COL25A1: variants seen among roughly 807,000 people sequenced by gnomAD.
COL25A1 encodes the protein collagen type XXV alpha 1 chain.
Under a neutral mutation model 128.4 loss-of-function variants are expected in COL25A1, and 103 were observed. The observed-to-expected ratio is 0.80, with a 90% CI of 0.68 to 0.94. COL25A1 has a LOEUF of 0.94. Ranked by LOEUF, COL25A1 falls within the 40% of genes least tolerant of loss-of-function variation. The probability of loss-of-function intolerance (pLI) is 0.00; values close to 1 mark genes in which losing one functional copy is unlikely to be tolerated. For synonymous variants in COL25A1, 279 were observed against 277.2 expected, an observed-to-expected ratio of 1.01 and a Z score of -0.06; for missense variants, 745 against 840.0, an observed-to-expected ratio of 0.89 and a Z score of 1.40.
intron 8 of COL25A1, among the ~76,000 whole-genome samples, chr4:108,965,920 C>A (rs1443790561): frequency 6.6e-6 from 1 of 152,140 alleles, no homozygotes; most frequent in Non-Finnish European, 1.5e-5. Flanking sequence ...CAAATTTCAT[C>A]CATCTGGTTA....
chr4:108,823,927 A>G (rs1732066165), intron 35 of COL25A1: 24 of 1,400,388 alleles, frequency 1.7e-5, no homozygotes, highest in Non-Finnish European at 2.2e-5. Context: ...CAGGTGGTTG[A>G]AAAACTGTAG....
intron 24 of COL25A1, among the ~76,000 whole-genome samples, chr4:108,853,410 T>C (rs75201532): frequency 0.06 from 8,966 of 149,998 alleles, 293 homozygotes; most frequent in East Asian, 0.094. Flanking sequence ...GTGTGTGCCA[T>C]AACTAAAGAT....
intron 3 of COL25A1, among the ~76,000 whole-genome samples, chr4:109,274,202 T>A (rs1782391266): frequency 1.4e-5 from 2 of 140,778 alleles, no homozygotes; most frequent in African/African-American, 4.9e-5. Flanking sequence ...CTATTTACAT[T>A]TTCAATTAAA....
At chr4:109,281,651 C>T (rs1015907449) in intron 3 of COL25A1, among the ~76,000 whole-genome samples, 8 of 152,106 alleles carry the variant, frequency 5.3e-5, no homozygotes, top group Non-Finnish European at 1.2e-4. Flanking sequence ...TGGTTGTTAA[C>T]TACTAATAAT....
chr4:108,949,352 C>G (rs1749130934), intron 8 of COL25A1, among the ~76,000 whole-genome samples: 1 of 152,048 alleles, frequency 6.6e-6, no homozygotes, highest in African/African-American at 2.4e-5. Context: ...AGGTATTCTT[C>G]TAAAAGTTTT....
chr4:109,103,776 G>A (rs1766139067), intron 3 of COL25A1, among the ~76,000 whole-genome samples: 1 of 152,058 alleles, frequency 6.6e-6, no homozygotes, highest in Admixed American at 6.6e-5. Flanking sequence ...GAGCCAAGTT[G>A]GATAAAAGAT....
intron 32 of COL25A1, among the ~76,000 whole-genome samples, chr4:108,830,003 A>T (rs1370620531): frequency 6.6e-6 from 1 of 152,242 alleles, no homozygotes; most frequent in African/African-American, 2.4e-5. Context: ...AGGGCTCCCA[A>T]GCAAAACCTA....
chr4:108,968,480 C>CT (rs57969304), intron 8 of COL25A1, among the ~76,000 whole-genome samples: 132 of 145,612 alleles, frequency 9.1e-4, no homozygotes, highest in Middle Eastern at 3.5e-3. Flanking sequence ...ATTGGCCACT[C>CT]TTTTTTTTTT....
At chr4:108,852,046 CCTT>C (rs1735847347) in intron 26 of COL25A1, among the ~76,000 whole-genome samples, 187 bp downstream of exon 26, 1 of 151,506 alleles carries the variant, frequency 6.6e-6, no homozygotes, top group African/African-American at 2.4e-5. Flanking sequence ...TCCTATTTTC[CCTT>C]CTTCTTTTCT....
chr4:108,917,016 T>C (rs559238267), intron 13 of COL25A1, among the ~76,000 whole-genome samples: 1 of 152,284 alleles, frequency 6.6e-6, no homozygotes, highest in East Asian at 1.9e-4. Flanking sequence ...TTAATGGTAA[T>C]ATCAAATACT....
intron 3 of COL25A1, among the ~76,000 whole-genome samples, chr4:109,116,474 G>A (rs1767572383): frequency 6.6e-6 from 1 of 151,848 alleles, no homozygotes; most frequent in Non-Finnish European, 1.5e-5. Flanking sequence ...CAGCTCAAGG[G>A]CACAGCTTAC....
At chr4:109,165,345 A>G (rs969018594) in intron 3 of COL25A1, among the ~76,000 whole-genome samples, 6 of 152,210 alleles carry the variant, frequency 3.9e-5, no homozygotes, top group Non-Finnish European at 7.3e-5. Flanking sequence ...AATTTCCAAA[A>G]AAAGAAAATG....
chr4:109,137,595 G>C (rs907217385), intron 3 of COL25A1, among the ~76,000 whole-genome samples: 3 of 151,994 alleles, frequency 2.0e-5, no homozygotes, highest in Admixed American at 2.0e-4. Flanking sequence ...ACTGTACTAA[G>C]ATTATCCTCA....
At chr4:109,291,042 G>A (rs996428338) in intron 3 of COL25A1, among the ~76,000 whole-genome samples, 2 of 152,116 alleles carry the variant, frequency 1.3e-5, no homozygotes, top group African/African-American at 2.4e-5. Context: ...GTATTAAAGA[G>A]AAAATAAATT....
chr4:109,208,668 A>G (rs1328168743), intron 3 of COL25A1, among the ~76,000 whole-genome samples: 1 of 152,168 alleles, frequency 6.6e-6, no homozygotes, highest in Non-Finnish European at 1.5e-5. Flanking sequence ...AAGGAAAGTG[A>G]TAACTCAGAT....
chr4:108,992,820 TTTTG>T (rs1351705811), intron 6 of COL25A1, among the ~76,000 whole-genome samples: 5 of 46,078 alleles, frequency 1.1e-4, no homozygotes, highest in Admixed American at 6.1e-4. Context: ...GGTCATTATA[TTTTG>T]TTTGTTTTGT....
chr4:109,114,060 C>T (rs1434897602), intron 3 of COL25A1, among the ~76,000 whole-genome samples: 1 of 152,000 alleles, frequency 6.6e-6, no homozygotes, highest in African/African-American at 2.4e-5. Context: ...ATAAAAACAA[C>T]CACAATGATA....
intron 3 of COL25A1, among the ~76,000 whole-genome samples, chr4:109,206,103 T>C (rs1356233409): frequency 2.0e-5 from 3 of 152,178 alleles, no homozygotes; most frequent in African/African-American, 7.2e-5. Context: ...ACACTTAATA[T>C]ATAAGATTAA....
At chr4:109,062,182 A>G (rs1762042377) in intron 3 of COL25A1, among the ~76,000 whole-genome samples, 1 of 152,206 alleles carries the variant, frequency 6.6e-6, no homozygotes, top group Non-Finnish European at 1.5e-5. Context: ...TACAAGTGCC[A>G]ATCAACTTAA....
Sources: allele counts gnomAD v4.1 joint callset (sites outside exome capture counted in the v4.1 genomes callset), GRCh38; gene constraint gnomAD v4.1.1; transcripts MANE v1.5; gene names NCBI Gene and HGNC (gene_info 2026-07-23, HGNC 2026-07-21).